Variants in RASSF6 observed in about 807,000 individuals in gnomAD.
RASSF6 encodes ras association domain-containing protein 6.
RASSF6 carries 52 observed loss-of-function variants against 44.0 expected under a neutral mutation model. That is an observed-to-expected ratio of 1.18 (90% CI 0.95 to 1.49). The LOEUF (loss-of-function observed/expected upper bound fraction) is 1.49. Ranked by LOEUF, RASSF6 falls within the 40% of genes most tolerant of loss-of-function variation. The pLI is 0.00. For missense variants in RASSF6, 464 were observed against 393.3 expected (o/e 1.18, Z -1.52); for synonymous variants, 162 against 124.6 (o/e 1.30, Z -2.00).
chr4:73,581,944 C>T, intron 7 of RASSF6, 76 bp from the exon 8 acceptor site: 3 of 1,088,798 alleles, frequency 2.8e-6, no homozygotes, highest in South Asian at 1.5e-5. Flanking sequence ...AGACCCAAAT[C>T]ATGTCTGTTT....
chr4:73,586,298 CAAT>C lies in RASSF6; in HGVS notation c.383-937_383-935del, dbSNP rs374262628. ...TTCTCATTGAGTCATGTATATTTAA[CAAT>C]GATTCATAATTGATTAGTCAAAATT... On this transcript the variant is annotated intron_variant, in intron 5 of 10. Coordinates refer to ENST00000307439, the MANE Select transcript of RASSF6 (RefSeq NM_177532.5). Among the ~76,000 whole-genome samples, 19 of 151,914 alleles carry C rather than the reference CAAT, an allele frequency of 1.3e-4. No homozygotes were observed. In the East Asian group the frequency reaches 2.9e-3, roughly 23 times the overall value.
intron 2 of RASSF6, among the ~76,000 whole-genome samples, chr4:73,600,803 G>A (rs535557099): frequency 1.3e-5 from 2 of 152,248 alleles, no homozygotes; most frequent in East Asian, 3.9e-4. Context: ...TAATGTTAAT[G>A]AACATGTCTC....
rs1431334416 is a variant in RASSF6, at chr4:73,573,435, C to G, written c.*2800G>C. 6.6e-6 allele frequency: 1 copy of G among 152,110 alleles called. No homozygotes were observed. The highest frequency in any genetic ancestry group is 1.5e-5 in the Non-Finnish European group (1 of 68,004). 9.4% of individuals were successfully genotyped at this position (152,110 alleles called of 1,614,324 possible). On this transcript the variant is annotated 3_prime_UTR_variant, in exon 11 of 11. Transcript: ENST00000307439. The stretch of plus-strand genomic sequence containing the variant: ...GAGCCACCGTCCATGGCCTATTTCC[C>G]TCTTTCATCTTTTAAAATAATTTTC...
intron 2 of RASSF6, among the ~76,000 whole-genome samples, chr4:73,600,551 C>A (rs1030433282): frequency 2.0e-5 from 3 of 152,184 alleles, no homozygotes; most frequent in African/African-American, 7.2e-5. Flanking sequence ...AGAGCAGAAA[C>A]TTGCTCACAG....
At chr4:73,576,553 G>A in intron 9 of RASSF6, 46 bp from the exon 10 acceptor site, 2 of 1,548,560 alleles carry the variant, frequency 1.3e-6, no homozygotes, top group Non-Finnish European at 1.8e-6. Context: ...GAACAATTAT[G>A]CAAGAGGTGC....
At chr4:73,577,728 A>T (rs1723329738) in intron 8 of RASSF6, among the ~76,000 whole-genome samples, 1 of 152,106 alleles carries the variant, frequency 6.6e-6, no homozygotes, top group Non-Finnish European at 1.5e-5. Context: ...TCCTCTTTTG[A>T]CCTTCAGGTC....
At chr4:73,600,815 TC>T (rs1471313379) in intron 2 of RASSF6, among the ~76,000 whole-genome samples, 2 of 152,232 alleles carry the variant, frequency 1.3e-5, no homozygotes, top group Admixed American at 1.3e-4. Context: ...ACATGTCTCT[TC>T]TAAATATCAT....
rs1723222608 is a variant in RASSF6, at chr4:73,576,434, C to CT, written c.913dup (p.Arg305LysfsTer12). 6.3e-7 allele frequency: 1 copy of CT among 1,577,170 alleles called. No individual in the cohort carries two copies. Among genetic ancestry groups the CT allele is most frequent in the Non-Finnish European group, 8.6e-7 (1 of 1,156,296 alleles). Reference sequence around the variant, plus strand: ...CTTTGTTACTATTCTTTGAATCTCTCTTTTCTCTTCTTCATTTAATCTTTG... The same window carrying CT: ...CTTTGTTACTATTCTTTGAATCTCTCTTTTTCTCTTCTTCATTTAATCTTTG... On this transcript the variant is annotated frameshift_variant, in exon 10 of 11. Coordinates refer to ENST00000307439, the MANE Select transcript of RASSF6 (RefSeq NM_177532.5). LOFTEE classifies it high-confidence loss of function.
intron 8 of RASSF6, among the ~76,000 whole-genome samples, chr4:73,580,395 G>T (rs1489224700): frequency 6.7e-6 from 1 of 148,966 alleles, no homozygotes; most frequent in Non-Finnish European, 1.5e-5. Context: ...CCCAGTAATG[G>T]GATGGCTGGG....
At chr4:73,615,420 T>C (rs1056878467) in intron 1 of RASSF6, among the ~76,000 whole-genome samples, 18 of 152,054 alleles carry the variant, frequency 1.2e-4, no homozygotes, top group Admixed American at 1.2e-3. Context: ...AGAGAAGTCA[T>C]GAATAGCAAC....
chr4:73,599,942 C>G (rs574821382), intron 2 of RASSF6, among the ~76,000 whole-genome samples: 1 of 152,230 alleles, frequency 6.6e-6, no homozygotes, highest in East Asian at 1.9e-4. Flanking sequence ...CTTGGCCACT[C>G]CAGACAGATT....
At chr4:73,602,892 T>A (rs960572880) in intron 2 of RASSF6, among the ~76,000 whole-genome samples, 1 of 152,060 alleles carries the variant, frequency 6.6e-6, no homozygotes, top group Non-Finnish European at 1.5e-5. Context: ...ATAGAGACCA[T>A]CCTGGATAAC....
intron 3 of RASSF6, among the ~76,000 whole-genome samples, chr4:73,595,334 C>G (rs1007542547): frequency 1.3e-5 from 2 of 152,122 alleles, no homozygotes; most frequent in Admixed American, 6.5e-5. Flanking sequence ...GCTGGGATAA[C>G]AGGCATGCAC....
rs1231083404 is a variant in RASSF6 at position 73,574,942 on chromosome 4, T to C, written c.*1293A>G. The C allele has an allele frequency of 6.6e-6, 1 of 152,188 alleles. No homozygotes were observed. The highest frequency in any genetic ancestry group is 1.5e-5 in the Non-Finnish European group (1 of 68,024). 9.4% of individuals were successfully genotyped at this position (152,188 alleles called of 1,614,324 possible). ...GATGAGACTATTTTCTTATTAATAT[T>C]GACAGGTGAAAGAATAGCGATGCAA... is the stretch of plus-strand genomic sequence containing the variant. On this transcript the variant is annotated 3_prime_UTR_variant, in exon 11 of 11. Coordinates refer to ENST00000307439, the MANE Select transcript of RASSF6 (RefSeq NM_177532.5).
At chr4:73,587,700 T>C (rs1724206237) in intron 5 of RASSF6, 140 bp downstream of exon 5, 1 of 411,898 alleles carries the variant, frequency 2.4e-6, no homozygotes, top group Non-Finnish European at 4.4e-6. Flanking sequence ...TCCTAAGATA[T>C]TTAAAAATAT....
intron 2 of RASSF6, among the ~76,000 whole-genome samples, chr4:73,601,440 A>G (rs1452996115): frequency 6.6e-6 from 1 of 152,236 alleles, no homozygotes; most frequent in Non-Finnish European, 1.5e-5. Flanking sequence ...TCTGTAATCC[A>G]CTGTGTAATA....
chr4:73,619,433 T>C (rs1726560966), intron 1 of RASSF6, among the ~76,000 whole-genome samples: 1 of 152,212 alleles, frequency 6.6e-6, no homozygotes, highest in South Asian at 2.1e-4. Context: ...TCCAGCATCC[T>C]AATACACACT....
intron 3 of RASSF6, among the ~76,000 whole-genome samples, chr4:73,594,935 T>C (rs908883354): frequency 1.3e-5 from 2 of 152,350 alleles, no homozygotes; most frequent in Middle Eastern, 3.4e-3. Flanking sequence ...GCTTTTAAAA[T>C]GGTGTCTGGT....
chr4:73,620,565 A>G, upstream of RASSF6: 1 of 1,238,690 alleles, frequency 8.1e-7, no homozygotes, highest in Non-Finnish European at 1.1e-6. Flanking sequence ...AGGAGCTGTT[A>G]ATTATTTCTC....
Sources: allele counts gnomAD v4.1 joint callset (sites outside exome capture counted in the v4.1 genomes callset), GRCh38; gene constraint gnomAD v4.1.1; transcripts MANE v1.5; gene names NCBI Gene and HGNC (gene_info 2026-07-23, HGNC 2026-07-21).